Variants in MYT1L observed in about 807,000 individuals in gnomAD.
MYT1L encodes the protein myelin transcription factor 1 like.
In MYT1L, 12 loss-of-function variants were observed where a neutral mutation model predicts 126.7. That is an observed-to-expected ratio of 0.09 (90% CI 0.06 to 0.15). The LOEUF (loss-of-function observed/expected upper bound fraction) is 0.15, where lower values mean the gene tolerates loss of function less well. MYT1L is among the 10% of genes least tolerant of loss of function. The pLI is 1.00. For missense variants in MYT1L, 979 were observed against 1,585.2 expected, an observed-to-expected ratio of 0.62 and a Z score of 6.49; for synonymous variants, 541 against 604.2, an observed-to-expected ratio of 0.90 and a Z score of 1.53.
intron 18 of MYT1L, among the ~76,000 whole-genome samples, chr2:1,880,487 A>G (rs1236803815): frequency 1.3e-5 from 2 of 152,108 alleles, no homozygotes; most frequent in Non-Finnish European, 2.9e-5. Flanking sequence ...CTTTTAAATG[A>G]GACTTTATTT....
At chr2:2,130,324 C>T (rs2082213950) in intron 3 of MYT1L, among the ~76,000 whole-genome samples, 1 of 151,670 alleles carries the variant, frequency 6.6e-6, no homozygotes, top group African/African-American at 2.4e-5. Context: ...TCACATCCAC[C>T]GCTGGTGGTA....
chr2:2,310,543 C>A (rs993304109), intron 1 of MYT1L, among the ~76,000 whole-genome samples: 3 of 152,156 alleles, frequency 2.0e-5, no homozygotes, highest in Admixed American at 6.5e-5. Context: ...CTAGAGAAGC[C>A]ATGTGTATTC....
At position 2,305,157 on chromosome 2, in the gene MYT1L, A is replaced by T. The variant is rs73912010; in HGVS notation, c.-520-20654T>A. On this transcript the variant is annotated intron_variant, in intron 1 of 24. Coordinates refer to ENST00000647738, the MANE Select transcript of MYT1L (RefSeq NM_001303052.2). ...GTAAAATTGATTATGAAGGAGGCAC[A>T]CTTACATCACAAATCTCTGCAAAGC... Among the ~76,000 whole-genome samples, 948 of 152,318 alleles carry T rather than the reference A, an allele frequency of 6.2e-3. 10 individuals carry two copies. Among genetic ancestry groups the T allele is most frequent in the African/African-American group, 0.021 (870 of 41,570 alleles).
chr2:2,010,837 AC>A (rs371274861), intron 4 of MYT1L, among the ~76,000 whole-genome samples: 71 of 152,328 alleles, frequency 4.7e-4, no homozygotes, highest in African/African-American at 1.6e-3. Context: ...GCTCAGCGGA[AC>A]AGAACCCATA....
chr2:2,127,115 G>C (rs1396045780), intron 3 of MYT1L, among the ~76,000 whole-genome samples: 1 of 152,144 alleles, frequency 6.6e-6, no homozygotes, highest in Non-Finnish European at 1.5e-5. Context: ...AAGTTCAGGG[G>C]CATATGTGCA....
intron 3 of MYT1L, among the ~76,000 whole-genome samples, chr2:2,159,116 G>A (rs778165967): frequency 6.6e-5 from 10 of 152,160 alleles, no homozygotes; most frequent in African/African-American, 2.2e-4. Flanking sequence ...AGCCGGCACG[G>A]GGACATGTGA....
intron 1 of MYT1L, among the ~76,000 whole-genome samples, chr2:2,320,299 T>A (rs2096139318): frequency 1.3e-5 from 2 of 152,064 alleles, no homozygotes; most frequent in Non-Finnish European, 2.9e-5. Flanking sequence ...CATCCATGGC[T>A]GTCTTTTTCC....
Position 1,922,626 on chromosome 2 carries a change from G to A in MYT1L, c.1143C>T (p.Asn381=). 6.2e-7 allele frequency: 1 copy of A among 1,613,950 alleles called. No individual in the cohort carries two copies. The highest frequency in any genetic ancestry group is 8.5e-7 in the Non-Finnish European group (1 of 1,179,872). The part of the protein sequence containing the change: ...TPDRNYSDML[N]LMRLEEQLSP... ...TCAACTGCTCCTCCAGCCGCATGAG[G>A]TTCAGCATGTCCGAGTAGTTTCTGT... Residue 381 remains asparagine, a synonymous_variant, in exon 10 of 25, where the codon AAC becomes AAT. Coordinates refer to ENST00000647738, the MANE Select transcript of MYT1L (RefSeq NM_001303052.2). The surrounding 1 kb of genome is among the most constrained non-coding windows in gnomAD (Gnocchi z 7.4).
chr2:2,077,356 A>C (rs963184333), intron 3 of MYT1L, among the ~76,000 whole-genome samples: 1 of 152,222 alleles, frequency 6.6e-6, no homozygotes, highest in East Asian at 1.9e-4. Flanking sequence ...CAATGAATTC[A>C]ATGTAGAATA....
At chr2:2,283,364 G>T (rs1191648865) in intron 2 of MYT1L, among the ~76,000 whole-genome samples, 1 of 152,104 alleles carries the variant, frequency 6.6e-6, no homozygotes, top group African/African-American at 2.4e-5. Flanking sequence ...TTAAAAACTT[G>T]GTCTCTCTGG....
chr2:1,959,729 G>C (rs964699374), intron 8 of MYT1L, among the ~76,000 whole-genome samples: 2 of 152,134 alleles, frequency 1.3e-5, no homozygotes, highest in Non-Finnish European at 1.5e-5. Flanking sequence ...TGACACATTT[G>C]TGCTCAGATA....
chr2:1,848,456 C>T lies in MYT1L; in HGVS notation c.2774+3185G>A, dbSNP rs1218506248. ...CATTGTTTGGTGACTTCCCCTCTCA[C>T]AACAGCCCACAGTACAGGAGGAGGA... On this transcript the variant is annotated intron_variant, in intron 19 of 24. Transcript: ENST00000647738. This position sits in a 1 kb window ranked among gnomAD's most constrained non-coding sequence, Gnocchi z 4.8. 1.3e-5 allele frequency among the ~76,000 whole-genome samples: 2 copies of T among 152,138 alleles called. No homozygotes were observed. Among genetic ancestry groups the T allele is most frequent in the East Asian group, 3.9e-4 (2 of 5,188 alleles).
intron 2 of MYT1L, among the ~76,000 whole-genome samples, chr2:2,221,342 C>G (rs577789039): frequency 1.3e-5 from 2 of 152,128 alleles, no homozygotes; most frequent in Non-Finnish European, 2.9e-5. Flanking sequence ...GATTATTAGT[C>G]TGAGTCTGCT....
chr2:2,079,470 T>G (rs1036355448), intron 3 of MYT1L, among the ~76,000 whole-genome samples: 2 of 152,214 alleles, frequency 1.3e-5, no homozygotes, highest in African/African-American at 4.8e-5. Flanking sequence ...ATTGCTAAGT[T>G]GATTTAAAAA....
chr2:2,045,284 T>C (rs2068041194), intron 4 of MYT1L, among the ~76,000 whole-genome samples: 1 of 152,254 alleles, frequency 6.6e-6, no homozygotes, highest in African/African-American at 2.4e-5. Flanking sequence ...TCACAGTTTC[T>C]GGGGCAGGCT....
At chr2:2,016,367 G>C (rs1392785390) in intron 4 of MYT1L, among the ~76,000 whole-genome samples, 1 of 152,216 alleles carries the variant, frequency 6.6e-6, no homozygotes, top group Non-Finnish European at 1.5e-5. Flanking sequence ...TTGGATGCCT[G>C]AGCAGAGAAA....
chr2:2,228,117 A>T lies in MYT1L; in HGVS notation c.-420-55129T>A, dbSNP rs1309593905. On this transcript the variant is annotated intron_variant, in intron 2 of 24. Coordinates refer to ENST00000647738, the MANE Select transcript of MYT1L (RefSeq NM_001303052.2). The surrounding 1 kb of genome is among the most constrained non-coding windows in gnomAD (Gnocchi z 5.9). Reference sequence around the variant, plus strand: ...GTTCAGACCATGTATATCTCTATGCAAGGATTACAGATAATATAATCATCA... The same window carrying T: ...GTTCAGACCATGTATATCTCTATGCTAGGATTACAGATAATATAATCATCA... Among the ~76,000 whole-genome samples the T allele has an allele frequency of 3.3e-5, 5 of 152,238 alleles. No individual in the cohort carries two copies. Among genetic ancestry groups the T allele is most frequent in the African/African-American group, 1.2e-4 (5 of 41,462 alleles).
chr2:2,152,426 G>A (rs1043407648), intron 3 of MYT1L, among the ~76,000 whole-genome samples: 7 of 152,206 alleles, frequency 4.6e-5, no homozygotes, highest in Non-Finnish European at 8.8e-5. Context: ...TGAAACCTCA[G>A]AAAGGAACCA....
chr2:2,318,578 C>A (rs1479309997), intron 1 of MYT1L, among the ~76,000 whole-genome samples: 1 of 152,158 alleles, frequency 6.6e-6, no homozygotes, highest in Non-Finnish European at 1.5e-5. Context: ...AACACTTGGG[C>A]AGCAAAACTA....
Sources: allele counts gnomAD v4.1 joint callset (sites outside exome capture counted in the v4.1 genomes callset), GRCh38; gene constraint gnomAD v4.1.1; non-coding constraint Gnocchi (gnomAD v3.1); transcripts MANE v1.5; gene names NCBI Gene and HGNC (gene_info 2026-07-23, HGNC 2026-07-21).